Variants in RABGEF1 observed in about 807,000 individuals in gnomAD.
RABGEF1 encodes RAB guanine nucleotide exchange factor 1.
In RABGEF1, 26 loss-of-function variants were observed where a neutral mutation model predicts 57.3. The ratio of observed to expected loss-of-function variants is 0.45; its 90% CI spans 0.33 to 0.63. RABGEF1 has a LOEUF of 0.63. Ranked by LOEUF, RABGEF1 falls within the 20% of genes least tolerant of loss-of-function variation. The pLI is 0.02. For missense variants in RABGEF1, 464 were observed against 607.6 expected (o/e 0.76, Z 2.48); for synonymous variants, 185 against 210.7 (o/e 0.88, Z 1.06).
intron 1 of RABGEF1, among the ~76,000 whole-genome samples, chr7:66,706,883 G>A (rs548840594): frequency 7.0e-4 from 101 of 144,490 alleles, no homozygotes; most frequent in African/African-American, 2.6e-3. Flanking sequence ...CCGGGTTCAC[G>A]CCATTCTCCT....
the RABGEF1 span, among the ~76,000 whole-genome samples, chr7:66,658,097 G>A: frequency 0.66 from 100,492 of 152,050 alleles, 33,616 homozygotes; most frequent in African/African-American, 0.76. Flanking sequence ...AAATGAGGCC[G>A]TTACTGTGAC....
Position 66,797,468 on chromosome 7 carries a change from TG to T in RABGEF1, c.691del (p.Asp231MetfsTer39). On this transcript the variant is annotated frameshift_variant, in exon 6 of 9. Transcript: ENST00000284957. LOFTEE classifies it high-confidence loss of function. ...KYVFCPETTD[D>X]EKKDLAIQKR... ...ATGTATTCTGTCCAGAAACTACTGA[TG>T]ATGAGAAGAAAGATCTTGCCATTCA... 1 of 1,611,316 alleles carries T rather than the reference TG, an allele frequency of 6.2e-7. No homozygotes were observed. The highest frequency in any genetic ancestry group is 1.1e-5 in the South Asian group (1 of 90,580).
At chr7:66,667,183 C>T in the RABGEF1 span, among the ~76,000 whole-genome samples, 1 of 152,184 alleles carries the variant, frequency 6.6e-6, no homozygotes, top group African/African-American at 2.4e-5. Context: ...GCCACCTGAG[C>T]CCGGGGATCA....
chr7:66,716,540 G>T (rs1795418166), intron 2 of RABGEF1, among the ~76,000 whole-genome samples: 1 of 152,146 alleles, frequency 6.6e-6, no homozygotes, highest in Admixed American at 6.5e-5. Flanking sequence ...GGCAGAGGTT[G>T]CAGTGAGCCA....
chr7:66,695,412 A>T (rs1792169719), intron 1 of RABGEF1, among the ~76,000 whole-genome samples: 1 of 152,134 alleles, frequency 6.6e-6, no homozygotes. Context: ...TCTGGAAGAG[A>T]GGCAGGAAGA....
rs77952834 is a variant in RABGEF1, at chr7:66,708,287, T to G, written c.-872-3880T>G. Among the ~76,000 whole-genome samples, 36 of 151,936 alleles carry G rather than the reference T, an allele frequency of 2.4e-4. 1 individual carries two copies. The South Asian group carries it at 6.6e-3, about 28-fold the overall frequency. On this transcript the variant is annotated intron_variant and NMD_transcript_variant, in intron 1 of 9. Coordinates refer to the RABGEF1 transcript ENST00000607882. ...CCATGTAGTTTGGGTTTTTTTTTTTTCCTAATTTTTTCTTTTGAGACAGGG... is the reference window on the plus strand; with the variant it reads ...CCATGTAGTTTGGGTTTTTTTTTTTGCCTAATTTTTTCTTTTGAGACAGGG...
intron 1 of RABGEF1, among the ~76,000 whole-genome samples, chr7:66,762,962 T>G (rs1452786833): frequency 6.6e-6 from 1 of 152,126 alleles, no homozygotes; most frequent in African/African-American, 2.4e-5. Flanking sequence ...AACAAAGGGG[T>G]AAGTGGGAAG....
At chr7:66,667,089 G>A in the RABGEF1 span, among the ~76,000 whole-genome samples, 13 of 152,202 alleles carry the variant, frequency 8.5e-5, no homozygotes, top group Admixed American at 8.5e-4. Flanking sequence ...CTCTGGTGGA[G>A]GGGATTTGAA....
chr7:66,699,719 A>G (rs1323405189), intron 1 of RABGEF1, among the ~76,000 whole-genome samples: 1 of 150,280 alleles, frequency 6.7e-6, no homozygotes, highest in African/African-American at 2.4e-5. Context: ...CTGGTGTGGT[A>G]GTGTGCACTT....
the RABGEF1 span, among the ~76,000 whole-genome samples, chr7:66,656,604 G>A: frequency 3.3e-5 from 5 of 152,030 alleles, no homozygotes; most frequent in African/African-American, 1.2e-4. Context: ...GTCGGATCAT[G>A]TGGTCAGGAG....
At chr7:66,802,481 A>C (rs1787513452) in intron 7 of RABGEF1, among the ~76,000 whole-genome samples, 1 of 152,240 alleles carries the variant, frequency 6.6e-6, no homozygotes, top group African/African-American at 2.4e-5. Flanking sequence ...CCCTGGGAGA[A>C]GACATAGAGC....
intron 1 of RABGEF1, among the ~76,000 whole-genome samples, chr7:66,710,182 T>C (rs899774981): frequency 6.6e-6 from 1 of 152,228 alleles, no homozygotes; most frequent in African/African-American, 2.4e-5. Flanking sequence ...ATAATTGTTC[T>C]AAGATTCATG....
At chr7:66,707,694 A>G (rs1418833776) in intron 1 of RABGEF1, among the ~76,000 whole-genome samples, 1 of 152,188 alleles carries the variant, frequency 6.6e-6, no homozygotes, top group Non-Finnish European at 1.5e-5. Context: ...TCTCAACAAC[A>G]ACAAAAAGAG....
chr7:66,699,488 C>A (rs1396917983), intron 1 of RABGEF1, among the ~76,000 whole-genome samples: 1 of 152,066 alleles, frequency 6.6e-6, no homozygotes, highest in East Asian at 1.9e-4. Context: ...GTCGGGAGTT[C>A]GAGACCAGCC....
chr7:66,701,749 C>A (rs952091911), intron 1 of RABGEF1, among the ~76,000 whole-genome samples: 4 of 152,110 alleles, frequency 2.6e-5, no homozygotes, highest in Admixed American at 2.6e-4. Context: ...CCTCAGGGAT[C>A]CACCCACCTC....
chr7:66,774,514 G>A (rs1218871206), intron 2 of RABGEF1, among the ~76,000 whole-genome samples: 2 of 152,160 alleles, frequency 1.3e-5, no homozygotes, highest in African/African-American at 4.8e-5. Context: ...CAGTGCTCTG[G>A]CTACATTCAG....
chr7:66,674,781 G>A, the RABGEF1 span, among the ~76,000 whole-genome samples: 1 of 151,988 alleles, frequency 6.6e-6, no homozygotes, highest in African/African-American at 2.4e-5. Context: ...AGAAGTTAGA[G>A]TGGTTGCTTC....
At chr7:66,679,609 A>G (rs1615892), upstream of RABGEF1, among the ~76,000 whole-genome samples, 139,050 of 152,260 alleles carry the variant, frequency 0.91, 63,685 homozygotes, top group East Asian at 1. Flanking sequence ...GTGAGCCACC[A>G]CACCCAGCCA....
intron 1 of RABGEF1, among the ~76,000 whole-genome samples, chr7:66,753,701 G>GTTTCTTTTTTTTTTTTT (rs1801982943): frequency 1.3e-5 from 1 of 78,764 alleles, no homozygotes; most frequent in Admixed American, 1.9e-4. Flanking sequence ...TTTTGCCATC[G>GTTTCTTTTTTTTTTTTT]TTTTTTTTTT....
Sources: gnomAD v4.1 joint callset for allele counts (sites outside exome capture counted in the v4.1 genomes callset) on GRCh38, gnomAD v4.1.1 for gene constraint, MANE v1.5 for transcripts, NCBI Gene and HGNC (gene_info 2026-07-23, HGNC 2026-07-21) for gene names.